The following ZBTB7C variants were observed in gnomAD, a reference collection of about 807,000 sequenced individuals.
ZBTB7C encodes zinc finger and BTB domain-containing protein 7C.
ZBTB7C carries 8 observed loss-of-function variants against 25.7 expected under a neutral mutation model. That is an observed-to-expected ratio of 0.31 (90% CI 0.18 to 0.56). ZBTB7C has a LOEUF of 0.56. Ranked by LOEUF, ZBTB7C falls within the 20% of genes least tolerant of loss-of-function variation. ZBTB7C has a pLI of 0.91. For missense variants in ZBTB7C, 824 were observed against 855.2 expected (o/e 0.96, Z 0.46); for synonymous variants, 394 against 369.0 (o/e 1.07, Z -0.78).
chr18:48,320,673 G>A (rs974331023), intron 2 of ZBTB7C, among the ~76,000 whole-genome samples: 10 of 152,180 alleles, frequency 6.6e-5, no homozygotes, highest in Admixed American at 2.6e-4. Context: ...TATATCAGAG[G>A]CCAAGCCCAG....
rs530698202 is a variant in ZBTB7C at position 48,203,349 on chromosome 18, C to T, written c.-78-17354G>A. ...GGTGGCACCACTGGACTCATGTGGC[C>T]AGGGACATGGCTGGCCTGGGCCGAA... On this transcript the variant is annotated intron_variant, in intron 2 of 4. Coordinates refer to ENST00000590800, the MANE Select transcript of ZBTB7C (RefSeq NM_001318841.2). 3 of 152,420 alleles carry T rather than the reference C, an allele frequency of 2.0e-5. No homozygotes were observed. In the South Asian group the frequency reaches 6.2e-4, roughly 32 times the overall value. The allele number at this position is 152,420 out of a possible 1,614,324, so 9.4% of individuals were successfully genotyped here.
intron 3 of ZBTB7C, chr18:48,072,702 T>A (rs979470247): frequency 6.6e-6 from 1 of 152,202 alleles, no homozygotes; most frequent in Admixed American, 6.5e-5. Context: ...ATTTTTAGGA[T>A]GGGATGCTTT....
intron 3 of ZBTB7C, among the ~76,000 whole-genome samples, chr18:48,068,786 C>T (rs2037432830): frequency 1.3e-5 from 2 of 152,236 alleles, no homozygotes; most frequent in South Asian, 4.1e-4. Context: ...CTCAGCTGCT[C>T]TCTAAAGTTT....
At chr18:48,050,324 G>C (rs2036633368) in intron 3 of ZBTB7C, among the ~76,000 whole-genome samples, 1 of 152,158 alleles carries the variant, frequency 6.6e-6, no homozygotes, top group Non-Finnish European at 1.5e-5. Flanking sequence ...GGCTGCCCCA[G>C]AGGCTGGAAC....
chr18:48,085,147 G>A (rs928120119), intron 3 of ZBTB7C, among the ~76,000 whole-genome samples: 5 of 152,094 alleles, frequency 3.3e-5, no homozygotes, highest in African/African-American at 4.8e-5. Flanking sequence ...TGGGCTTTAC[G>A]GCAGGGCGGG....
chr18:48,387,011 G>A (rs994719885), intron 1 of ZBTB7C, among the ~76,000 whole-genome samples: 6 of 152,144 alleles, frequency 3.9e-5, no homozygotes, highest in Non-Finnish European at 5.9e-5. Context: ...AAGACTTCTC[G>A]GAGTAGGAGG....
chr18:48,304,478 C>A (rs1234316724), intron 2 of ZBTB7C, among the ~76,000 whole-genome samples: 2 of 152,140 alleles, frequency 1.3e-5, no homozygotes, highest in Non-Finnish European at 2.9e-5. Context: ...AGTTCGAGAC[C>A]AGCCTGGCCA....
chr18:48,141,649 T>C (rs1400331464), intron 3 of ZBTB7C, among the ~76,000 whole-genome samples: 2 of 152,208 alleles, frequency 1.3e-5, no homozygotes, highest in Admixed American at 6.5e-5. Flanking sequence ...GGGTCAGTCT[T>C]TCTCTCGCTG....
chr18:48,029,426 TCCAGCTGCGCGCGCC>T lies in ZBTB7C; in HGVS notation c.1679_1693del (p.Gly560_Leu564del). 1 of 1,586,840 alleles carries T rather than the reference TCCAGCTGCGCGCGCC, an allele frequency of 6.3e-7. No homozygotes were observed. Among genetic ancestry groups the T allele is most frequent in the Non-Finnish European group, 8.5e-7 (1 of 1,170,372 alleles). Reference sequence around the variant, plus strand: ...GAGGCCCCCCGCGTTCCTCTCAGCCTCCAGCTGCGCGCGCCCGAACAGCTTCATCTGTGTCTCCTC... The same window carrying T: ...GAGGCCCCCCGCGTTCCTCTCAGCCTCGAACAGCTTCATCTGTGTCTCCTC... On this transcript the variant is annotated inframe_deletion, in exon 5 of 5. Transcript: ENST00000590800.
At chr18:48,198,439 G>A (rs2042364859) in intron 2 of ZBTB7C, among the ~76,000 whole-genome samples, 1 of 152,218 alleles carries the variant, frequency 6.6e-6, no homozygotes. Flanking sequence ...GAAGTCGGCA[G>A]TTGGGAATGG....
At chr18:48,211,385 C>T (rs540456982) in intron 2 of ZBTB7C, among the ~76,000 whole-genome samples, 3 of 152,052 alleles carry the variant, frequency 2.0e-5, no homozygotes, top group Admixed American at 1.3e-4. Flanking sequence ...AAAAACACGT[C>T]AAGAGAATAA....
intron 3 of ZBTB7C, among the ~76,000 whole-genome samples, chr18:48,156,904 AG>A (rs2040856954): frequency 3.3e-5 from 5 of 151,864 alleles, no homozygotes; most frequent in African/African-American, 1.2e-4. Flanking sequence ...GGACCCCATT[AG>A]GGGTCTCTCT....
At chr18:48,041,817 T>C (rs1164383810) in intron 3 of ZBTB7C, among the ~76,000 whole-genome samples, 1 of 152,054 alleles carries the variant, frequency 6.6e-6, no homozygotes. Context: ...TTAAATTCAA[T>C]ACAAATATAA....
At chr18:48,347,445 C>T (rs1340836834) in intron 1 of ZBTB7C, among the ~76,000 whole-genome samples, 1 of 152,164 alleles carries the variant, frequency 6.6e-6, no homozygotes, top group Non-Finnish European at 1.5e-5. Context: ...AGGAAGCCCT[C>T]CAGAGGCAGG....
chr18:48,158,087 G>T (rs1337743764), intron 3 of ZBTB7C, among the ~76,000 whole-genome samples: 1 of 152,116 alleles, frequency 6.6e-6, no homozygotes, highest in Non-Finnish European at 1.5e-5. Context: ...ATAAATCTGT[G>T]CCAAGCAGGA....
intron 3 of ZBTB7C, among the ~76,000 whole-genome samples, chr18:48,047,419 C>G (rs1215182897): frequency 6.6e-6 from 1 of 151,296 alleles, no homozygotes; most frequent in Non-Finnish European, 1.5e-5. Flanking sequence ...GAAGTATGAA[C>G]CTTTGGTAGG....
intron 3 of ZBTB7C, among the ~76,000 whole-genome samples, chr18:48,103,683 C>T (rs531866140): frequency 1.5e-3 from 224 of 152,264 alleles, no homozygotes; most frequent in Non-Finnish European, 2.7e-3. Context: ...AGAAACAACT[C>T]AAATATCCAT....
intron 3 of ZBTB7C, among the ~76,000 whole-genome samples, chr18:48,058,071 G>A (rs2036985404): frequency 6.6e-6 from 1 of 152,224 alleles, no homozygotes; most frequent in Non-Finnish European, 1.5e-5. Context: ...CAGGTGCTAG[G>A]AAGAGCCGTG....
chr18:48,053,250 C>A (rs79575701), intron 3 of ZBTB7C, among the ~76,000 whole-genome samples: 8,182 of 152,232 alleles, frequency 0.054, 309 homozygotes, highest in East Asian at 0.15. Context: ...TGGGAGCGGC[C>A]GCTTCTGCAG....
Sources: gnomAD v4.1 joint callset for allele counts (sites outside exome capture counted in the v4.1 genomes callset) on GRCh38, gnomAD v4.1.1 for gene constraint, MANE v1.5 for transcripts, NCBI Gene and HGNC (gene_info 2026-07-23, HGNC 2026-07-21) for gene names.